The following MAD1L1 variants were observed in gnomAD, a reference collection of about 807,000 sequenced individuals.
MAD1L1 encodes mitotic arrest deficient 1 like 1.
MAD1L1 carries 95 observed loss-of-function variants against 96.9 expected under a neutral mutation model. The observed-to-expected ratio is 0.98, with a 90% CI of 0.83 to 1.16. MAD1L1 has a LOEUF of 1.16. Ranked by LOEUF, MAD1L1 falls within the 50% of genes most tolerant of loss-of-function variation. The pLI, the probability that MAD1L1 is intolerant of heterozygous loss-of-function variation, is 0.00. For missense variants in MAD1L1, 1,007 were observed against 954.4 expected, an observed-to-expected ratio of 1.06 and a Z score of -0.73; for synonymous variants, 473 against 396.6, an observed-to-expected ratio of 1.19 and a Z score of -2.29.
At position 1,826,908 on chromosome 7, in the gene MAD1L1, G is replaced by A. The variant is rs1259999563; in HGVS notation, c.1999-10680C>T. ...GACCTTTCCTTCAAGAGTGACTGGC[G>A]GGGCGGGCAAGGCCAGGCACCCCAG... is the stretch of plus-strand genomic sequence containing the variant. On this transcript the variant is annotated intron_variant, in intron 18 of 18. Coordinates refer to ENST00000265854, the MANE Select transcript of MAD1L1 (RefSeq NM_001013836.2). 3.9e-5 allele frequency among the ~76,000 whole-genome samples: 6 copies of A among 152,270 alleles called. No individual in the cohort carries two copies. The East Asian group carries it at 5.8e-4, about 15-fold the overall frequency.
chr7:2,051,089 TA>T (rs1784146145), intron 12 of MAD1L1, among the ~76,000 whole-genome samples: 1 of 152,208 alleles, frequency 6.6e-6, no homozygotes, highest in Non-Finnish European at 1.5e-5. Flanking sequence ...TAGGGGATTT[TA>T]AAGCACAAAC....
chr7:1,965,914 G>A (rs1780147283), intron 15 of MAD1L1, among the ~76,000 whole-genome samples: 1 of 152,278 alleles, frequency 6.6e-6, no homozygotes, highest in Non-Finnish European at 1.5e-5. Flanking sequence ...AGGACCCGAA[G>A]ATCACAGAAT....
intron 11 of MAD1L1, among the ~76,000 whole-genome samples, chr7:2,125,206 T>A (rs187460791): frequency 7.3e-4 from 111 of 152,092 alleles, no homozygotes; most frequent in African/African-American, 2.5e-3. Flanking sequence ...TCACCGCCAC[T>A]GTTGCCAGGT....
At chr7:2,009,008 C>T (rs1782165865) in intron 13 of MAD1L1, among the ~76,000 whole-genome samples, 1 of 152,182 alleles carries the variant, frequency 6.6e-6, no homozygotes, top group African/African-American at 2.4e-5. Context: ...TACGAGCAGG[C>T]CCCCAGCGCA....
rs111359029 is a variant in MAD1L1, at chr7:2,200,945, G to A, written c.986+12267C>T. ...TGGGTTCCAGGAATTCAACAGCTCA[G>A]GATCTCCTGTTCCTCCCAAGAACCC... On this transcript the variant is annotated intron_variant, in intron 10 of 18. Coordinates refer to ENST00000265854, the MANE Select transcript of MAD1L1 (RefSeq NM_001013836.2). Among the ~76,000 whole-genome samples the A allele has an allele frequency of 1.6e-4, 24 of 152,284 alleles. 1 individual carries two copies. Among genetic ancestry groups the A allele is most frequent in the African/African-American group, 5.8e-4 (24 of 41,566 alleles).
chr7:1,822,872 G>A lies in MAD1L1; in HGVS notation c.1999-6644C>T, dbSNP rs1225598712. 3.3e-5 allele frequency among the ~76,000 whole-genome samples: 5 copies of A among 151,868 alleles called. No homozygotes were observed. In the East Asian group the frequency reaches 5.8e-4, roughly 18 times the overall value. Reference sequence around the variant, plus strand: ...CAGCACAGCGTTATACGGCTCCTACGTCAGACAGACATGGCTGGGGCAGCG... The same window carrying A: ...CAGCACAGCGTTATACGGCTCCTACATCAGACAGACATGGCTGGGGCAGCG... On this transcript the variant is annotated intron_variant, in intron 18 of 18. Coordinates refer to ENST00000265854, the MANE Select transcript of MAD1L1 (RefSeq NM_001013836.2).
At chr7:2,104,216 C>T (rs1219615674) in intron 11 of MAD1L1, among the ~76,000 whole-genome samples, 1 of 152,218 alleles carries the variant, frequency 6.6e-6, no homozygotes, top group Non-Finnish European at 1.5e-5. Flanking sequence ...GCAAACTCCT[C>T]CACAGAGGCA....
At chr7:1,965,174 G>C (rs1286098611) in intron 15 of MAD1L1, among the ~76,000 whole-genome samples, 2 of 152,232 alleles carry the variant, frequency 1.3e-5, no homozygotes, top group Non-Finnish European at 2.9e-5. Context: ...AGAGAGGCTG[G>C]CGAGTGGGGT....
At chr7:2,193,936 A>ATTTTTTTTTTTTTTTTTTTTTTTTTTTTT (rs35067993) in intron 10 of MAD1L1, among the ~76,000 whole-genome samples, 2 of 82,802 alleles carry the variant, frequency 2.4e-5, no homozygotes, top group Non-Finnish European at 2.2e-5. Context: ...CTCTGCATGG[A>ATTTTTTTTTTTTTTTTTTTTTTTTTTTTT]TTTTTTTTTT....
intron 18 of MAD1L1, among the ~76,000 whole-genome samples, chr7:1,889,832 C>A (rs1463398378): frequency 2.0e-5 from 3 of 152,212 alleles, no homozygotes; most frequent in African/African-American, 7.2e-5. Flanking sequence ...ATTCCTTCCC[C>A]TCACCCCACC....
rs534184373 is a variant in MAD1L1 at position 1,980,521 on chromosome 7, C to T, written c.1437G>A (p.Met479Ile). The T allele has an allele frequency of 6.2e-7, 1 of 1,607,582 alleles. No individual in the cohort carries two copies. Among genetic ancestry groups the T allele is most frequent in the African/African-American group, 1.4e-5 (1 of 72,436 alleles). Residue 479 changes from methionine to isoleucine, a missense_variant, in exon 15 of 19, where the codon ATG (methionine) becomes ATA (isoleucine). Coordinates refer to ENST00000265854, the MANE Select transcript of MAD1L1 (RefSeq NM_001013836.2). ...RADMLEMELK[M>I]LKSQSSSAEQ... ...CGGCAGAGCTGGACTGAGACTTCAGCATCTTCAGCTCCATCTCCAGCTAGG... is the reference window on the plus strand; with the variant it reads ...CGGCAGAGCTGGACTGAGACTTCAGTATCTTCAGCTCCATCTCCAGCTAGG...
At chr7:1,933,794 G>GA (rs1789619094) in intron 17 of MAD1L1, among the ~76,000 whole-genome samples, 1 of 152,154 alleles carries the variant, frequency 6.6e-6, no homozygotes, top group Non-Finnish European at 1.5e-5. Context: ...TGGTTCCGGG[G>GA]ACCCATCTCT....
At chr7:2,176,975 G>A (rs1790977678) in intron 10 of MAD1L1, among the ~76,000 whole-genome samples, 2 of 152,208 alleles carry the variant, frequency 1.3e-5, no homozygotes, top group South Asian at 4.1e-4. Context: ...GAGACACCCA[G>A]CCTTCTCCAG....
intron 18 of MAD1L1, among the ~76,000 whole-genome samples, chr7:1,880,026 G>A (rs761676259): frequency 2.6e-5 from 4 of 152,174 alleles, no homozygotes; most frequent in South Asian, 2.1e-4. Flanking sequence ...CACTTCGCCT[G>A]GCCGGCAAAC....
intron 11 of MAD1L1, among the ~76,000 whole-genome samples, chr7:2,133,456 GAT>G (rs1370835620): frequency 6.6e-6 from 1 of 152,268 alleles, no homozygotes; most frequent in East Asian, 1.9e-4. Flanking sequence ...GCCCTTATCA[GAT>G]ATGTCTTTTG....
At chr7:1,822,659 A>G (rs1782188110) in intron 18 of MAD1L1, among the ~76,000 whole-genome samples, 1 of 151,554 alleles carries the variant, frequency 6.6e-6, no homozygotes, top group South Asian at 2.1e-4. Context: ...CCTGGGCTCA[A>G]GCGATCCTTT....
intron 11 of MAD1L1, among the ~76,000 whole-genome samples, chr7:2,138,995 C>T (rs1788890624): frequency 6.6e-6 from 1 of 152,186 alleles, no homozygotes; most frequent in African/African-American, 2.4e-5. Flanking sequence ...CAGCTGGAGT[C>T]AACATGCATC....
At chr7:2,124,526 C>T (rs1474235035) in intron 11 of MAD1L1, among the ~76,000 whole-genome samples, 1 of 152,176 alleles carries the variant, frequency 6.6e-6, no homozygotes, top group Admixed American at 6.5e-5. Context: ...TGCATGTGGC[C>T]CACCCCAGCC....
At chr7:1,887,003 A>G (rs10950423) in intron 18 of MAD1L1, among the ~76,000 whole-genome samples, 107,455 of 152,266 alleles carry the variant, frequency 0.71, 38,676 homozygotes, top group African/African-American at 0.85. Context: ...TGGCAGCGGC[A>G]GGGAGAACAG....
Sources: allele counts gnomAD v4.1 joint callset (sites outside exome capture counted in the v4.1 genomes callset), GRCh38; gene constraint gnomAD v4.1.1; transcripts MANE v1.5; gene names NCBI Gene and HGNC (gene_info 2026-07-23, HGNC 2026-07-21).